Variants in MCTP2 observed in about 807,000 individuals in gnomAD.
MCTP2 encodes multiple C2 and transmembrane domain-containing protein 2.
MCTP2 carries 132 observed loss-of-function variants against 111.6 expected under a neutral mutation model. That is an observed-to-expected ratio of 1.18 (90% CI 1.03 to 1.37). The LOEUF is 1.37. MCTP2 is among the 40% of genes most tolerant of loss of function. The probability of loss-of-function intolerance (pLI) is 0.00; values close to 1 mark genes in which losing one functional copy is unlikely to be tolerated. For missense variants in MCTP2, 1,183 were observed against 1,067.9 expected, an observed-to-expected ratio of 1.11 and a Z score of -1.50; for synonymous variants, 395 against 387.7, an observed-to-expected ratio of 1.02 and a Z score of -0.22.
chr15:94,403,311 T>G, intron 17 of MCTP2: 4 of 930,626 alleles, frequency 4.3e-6, no homozygotes, highest in Non-Finnish European at 5.1e-6. Flanking sequence ...CTTTCTCACG[T>G]TCTCCTCAGC....
rs868021441 is a variant in MCTP2, at chr15:94,454,610, A to G, written c.2251-3527A>G. Among the ~76,000 whole-genome samples the G allele has an allele frequency of 8.6e-4, 131 of 152,266 alleles. 3 individuals are homozygous for G. The highest frequency in any genetic ancestry group is 3.4e-3 in the Middle Eastern group (1 of 294). On this transcript the variant is annotated intron_variant, in intron 19 of 22. Coordinates refer to ENST00000357742, the MANE Select transcript of MCTP2 (RefSeq NM_001385001.1). ...ATTGGACTCTTTTGTGGAAAAAAAA[A>G]AAACCCTAAATTATGGTCATAATCA...
At chr15:94,279,961 A>G (rs752939156) in intron 1 of MCTP2, among the ~76,000 whole-genome samples, 1 of 152,154 alleles carries the variant, frequency 6.6e-6, no homozygotes, top group Non-Finnish European at 1.5e-5. Flanking sequence ...GTACTATATC[A>G]TGGTGGCTTA....
At chr15:94,285,251 A>G (rs1243788087) in intron 1 of MCTP2, among the ~76,000 whole-genome samples, 1 of 152,162 alleles carries the variant, frequency 6.6e-6, no homozygotes, top group African/African-American at 2.4e-5. Flanking sequence ...TTCCTTAGGG[A>G]GCTTTTTATT....
rs751736153 is a variant in MCTP2 at position 94,476,633 on chromosome 15, TAGATAGATAGATAGATAGAC to T, written c.2471-59_2471-40del. 9.8e-4 allele frequency: 826 copies of T among 842,860 alleles called. 5 individuals are homozygous for T. The Middle Eastern group carries it at 0.016, about 16-fold the overall frequency. 52.2% of individuals were successfully genotyped at this position (842,860 alleles called of 1,614,324 possible). A position where few individuals can be genotyped will look rare whatever the true frequency, so the allele number is the denominator to read the frequency against. On this transcript the variant is annotated intron_variant, in intron 21 of 22. Transcript: ENST00000357742. The stretch of plus-strand genomic sequence containing the variant: ...ATAGATAGATAGATAGATAGATAGA[TAGATAGATAGATAGATAGAC>T]AGACAGACAGATAAAGAGATCTCCT...
At chr15:94,291,892 C>G (rs1191715155) in intron 1 of MCTP2, among the ~76,000 whole-genome samples, 1 of 152,192 alleles carries the variant, frequency 6.6e-6, no homozygotes, top group Non-Finnish European at 1.5e-5. Context: ...CTATTAAACT[C>G]TACCATTGGG....
intron 20 of MCTP2, among the ~76,000 whole-genome samples, chr15:94,458,554 C>T (rs574583937): frequency 6.6e-6 from 1 of 151,982 alleles, no homozygotes; most frequent in East Asian, 1.9e-4. Context: ...AAAATGTTAC[C>T]CTATTCAGAA....
chr15:94,333,784 A>G (rs17661696), intron 4 of MCTP2, among the ~76,000 whole-genome samples: 27,806 of 152,178 alleles, frequency 0.18, 3,004 homozygotes, highest in East Asian at 0.31. Flanking sequence ...AATGAATACA[A>G]CAGTAGGTAA....
intron 4 of MCTP2, among the ~76,000 whole-genome samples, chr15:94,336,253 A>G (rs1420423382): frequency 6.6e-6 from 1 of 152,036 alleles, no homozygotes; most frequent in Non-Finnish European, 1.5e-5. Flanking sequence ...GCCTGTTCTG[A>G]TCCACCCATG....
intron 1 of MCTP2, among the ~76,000 whole-genome samples, chr15:94,295,338 A>G (rs139581968): frequency 5.2e-4 from 79 of 152,050 alleles, no homozygotes; most frequent in African/African-American, 1.8e-3. Context: ...AGAGCCAGGA[A>G]TTTAAACTTG....
intron 1 of MCTP2, among the ~76,000 whole-genome samples, chr15:94,281,488 G>T (rs2074484862): frequency 6.6e-6 from 1 of 152,160 alleles, no homozygotes; most frequent in African/African-American, 2.4e-5. Context: ...ACAACATGCA[G>T]TTGGGTCTTT....
At chr15:94,414,910 C>G (rs2082307286) in intron 17 of MCTP2, among the ~76,000 whole-genome samples, 1 of 152,102 alleles carries the variant, frequency 6.6e-6, no homozygotes, top group Admixed American at 6.6e-5. Flanking sequence ...AGATCTGGAC[C>G]TACCACCAGC....
At position 94,390,064 on chromosome 15, in the gene MCTP2, A is replaced by ACG. The variant is rs1567601964; in HGVS notation, c.1788+4539_1788+4540insCG. ...ATGTTCAAGGCATATATATATATAT[A>ACG]TATATATATATATATATATATATAT... On this transcript the variant is annotated intron_variant, in intron 14 of 22. Transcript: ENST00000357742. Among the ~76,000 whole-genome samples the ACG allele has an allele frequency of 8.7e-3, 151 of 17,318 alleles. 1 individual carries two copies. Among genetic ancestry groups the ACG allele is most frequent in the Middle Eastern group, 0.033 (1 of 30 alleles). The allele number at this position is 17,318 out of a possible 152,430, so 11.4% of individuals were successfully genotyped here.
intron 9 of MCTP2, among the ~76,000 whole-genome samples, chr15:94,357,202 A>T (rs2078673386): frequency 6.6e-6 from 1 of 152,236 alleles, no homozygotes; most frequent in Non-Finnish European, 1.5e-5. Context: ...CAAATATTAC[A>T]TGTCATCTAC....
At chr15:94,243,187 G>GCGTATATACGTATGCGTATATA (rs1275509242) in intron 1 of MCTP2, among the ~76,000 whole-genome samples, 26 of 145,996 alleles carry the variant, frequency 1.8e-4, no homozygotes, top group African/African-American at 6.6e-4. Context: ...ATGTACGTAT[G>GCGTATATACGTATGCGTATATA]CGTATATACG....
In MCTP2 at chr15:94,476,697, C is replaced by T. The variant is rs79112132; in HGVS notation, c.2472C>T (p.Gly824=). The change falls in exon 22 of 23, where the codon GGC becomes GGT. Residue 824 remains glycine (G), a splice_region_variant and synonymous_variant. Coordinates refer to ENST00000357742, the MANE Select transcript of MCTP2 (RefSeq NM_001385001.1). ...ATCTCCTGTGTTTCTATTTTTCAGGCATAAATAAATTTACTAAGAAGCTTC... is the reference window on the plus strand; with the variant it reads ...ATCTCCTGTGTTTCTATTTTTCAGGTATAAATAAATTTACTAAGAAGCTTC... ...IPLRYIILIW[G]INKFTKKLRN... The T allele has an allele frequency of 0.019, 28,409 of 1,512,908 alleles. 1,465 individuals are homozygous for T. Among genetic ancestry groups the T allele is most frequent in the African/African-American group, 0.12 (8,103 of 70,026 alleles). The allele number at this position is 1,512,908 out of a possible 1,614,324, so 93.7% of individuals were successfully genotyped here. A position where few individuals can be genotyped will look rare whatever the true frequency, so the allele number is the denominator to read the frequency against.
chr15:94,310,671 AAAAT>A (rs1243593010), intron 2 of MCTP2, among the ~76,000 whole-genome samples: 1 of 151,540 alleles, frequency 6.6e-6, no homozygotes, highest in South Asian at 2.1e-4. Flanking sequence ...GAAAATTTAT[AAAAT>A]AAATAAAACT....
At chr15:94,363,256 G>A (rs1192961467) in intron 10 of MCTP2, among the ~76,000 whole-genome samples, 2 of 152,144 alleles carry the variant, frequency 1.3e-5, no homozygotes, top group African/African-American at 4.8e-5. Context: ...AGTGGACAGT[G>A]ATACAGAAAA....
chr15:94,339,512 C>T (rs764202260), intron 5 of MCTP2, 80 bp downstream of exon 5: 49 of 1,052,252 alleles, frequency 4.7e-5, no homozygotes, highest in Non-Finnish European at 6.0e-5. Flanking sequence ...TAGACGTGAA[C>T]TTGCCAAAAT....
chr15:94,388,092 T>C (rs144948189), intron 14 of MCTP2, among the ~76,000 whole-genome samples: 3 of 152,282 alleles, frequency 2.0e-5, no homozygotes, highest in African/African-American at 4.8e-5. Flanking sequence ...TGAAGTACTT[T>C]GGCATTTTCA....
Sources: gnomAD v4.1 joint callset for allele counts (sites outside exome capture counted in the v4.1 genomes callset) on GRCh38, gnomAD v4.1.1 for gene constraint, MANE v1.5 for transcripts, NCBI Gene and HGNC (gene_info 2026-07-23, HGNC 2026-07-21) for gene names.